The following FTO variants were observed in gnomAD, a reference collection of about 807,000 sequenced individuals.
The protein encoded by FTO is FTO alpha-ketoglutarate dependent dioxygenase.
In FTO, 47 loss-of-function variants were observed where a neutral mutation model predicts 63.9. The ratio of observed to expected loss-of-function variants is 0.74; its 90% CI spans 0.58 to 0.94. The LOEUF (loss-of-function observed/expected upper bound fraction) is 0.94, where lower values mean the gene tolerates loss of function less well. Ranked by LOEUF, FTO falls within the 40% of genes least tolerant of loss-of-function variation. The probability of loss-of-function intolerance (pLI) is 0.00; values close to 1 mark genes in which losing one functional copy is unlikely to be tolerated. For synonymous variants in FTO, 207 were observed against 224.4 expected, an observed-to-expected ratio of 0.92 and a Z score of 0.69; for missense variants, 562 against 618.1, an observed-to-expected ratio of 0.91 and a Z score of 0.96.
intron 6 of FTO, among the ~76,000 whole-genome samples, chr16:53,882,063 T>C (rs543745819): frequency 6.7e-4 from 101 of 150,860 alleles, no homozygotes; most frequent in South Asian, 2.5e-3. Flanking sequence ...TGATAAATTA[T>C]ACCTCAAAAA....
At chr16:53,790,579 C>CAA (rs34860208) in intron 1 of FTO, among the ~76,000 whole-genome samples, 1,111 of 55,114 alleles carry the variant, frequency 0.02, 18 homozygotes, top group African/African-American at 0.048. Context: ...CAAAATAAAG[C>CAA]AAAAAAAAAA....
intron 8 of FTO, among the ~76,000 whole-genome samples, chr16:53,974,920 A>AC (rs1380639215): frequency 6.6e-6 from 1 of 152,198 alleles, no homozygotes; most frequent in Non-Finnish European, 1.5e-5. Context: ...TTCCATTACA[A>AC]CGTATGCAGA....
intron 2 of FTO, among the ~76,000 whole-genome samples, chr16:53,824,989 A>G (rs1014022818): frequency 2.0e-5 from 3 of 152,202 alleles, no homozygotes; most frequent in African/African-American, 7.2e-5. Context: ...GTATTAGGGA[A>G]GGGAATTGAC....
chr16:54,022,087 A>G (rs942470514), intron 8 of FTO, among the ~76,000 whole-genome samples: 13 of 152,254 alleles, frequency 8.5e-5, no homozygotes, highest in Middle Eastern at 3.4e-3. Flanking sequence ...ATTTCTCTAG[A>G]ACCTTTCCAT....
At position 53,879,898 on chromosome 16, in the gene FTO, A is replaced by G. The variant is rs141978030; in HGVS notation, c.1030A>G (p.Asn344Asp). The change falls in exon 6 of 9, where the codon AAT becomes GAT. Residue 344 changes from asparagine to aspartate, a missense_variant. Physicochemically the swap from Asn to Asp is conservative, Grantham distance 23 (BLOSUM62 1). Transcript: ENST00000471389. Reference protein sequence around the residue: ...ILQRCQLALQNVCDDVDNDDV... With the variant: ...ILQRCQLALQDVCDDVDNDDV... ...ACAACGCTGTCAGTTGGCTCTGCAG[A>G]ATGTCTGTGACGATGTGGACAATGA... is the stretch of plus-strand genomic sequence containing the variant. The G allele has an allele frequency of 1.2e-6, 2 of 1,613,860 alleles. No homozygotes were observed. Among genetic ancestry groups the G allele is most frequent in the African/African-American group, 2.7e-5 (2 of 74,898 alleles).
intron 1 of FTO, among the ~76,000 whole-genome samples, chr16:53,778,981 G>A (rs1174220228): frequency 1.3e-5 from 2 of 152,008 alleles, no homozygotes; most frequent in African/African-American, 4.8e-5. Context: ...GGACATTAAG[G>A]AAAGCCTTCT....
At chr16:54,049,049 C>T (rs1168735097) in intron 8 of FTO, among the ~76,000 whole-genome samples, 2 of 151,952 alleles carry the variant, frequency 1.3e-5, no homozygotes, top group Admixed American at 1.3e-4. Flanking sequence ...AGCCAGATGC[C>T]ACTGACTAGC....
chr16:53,719,253 C>CTTTTTTT (rs10527186), intron 1 of FTO, among the ~76,000 whole-genome samples: 18 of 135,690 alleles, frequency 1.3e-4, no homozygotes, highest in South Asian at 5.3e-4. Flanking sequence ...TCTTCTTCTT[C>CTTTTTTT]TTTTTTTTTT....
chr16:53,993,026 A>G (rs1449296218), intron 8 of FTO: 1 of 152,180 alleles, frequency 6.6e-6, no homozygotes, highest in Non-Finnish European at 1.5e-5. Context: ...TGACCCACTG[A>G]TGGTAGAAGT....
intron 1 of FTO, among the ~76,000 whole-genome samples, chr16:53,754,336 G>T (rs2076868112): frequency 6.6e-6 from 1 of 152,134 alleles, no homozygotes; most frequent in Non-Finnish European, 1.5e-5. Context: ...TCCATAAACT[G>T]AACTGAAGTA....
chr16:53,892,171 G>A (rs2081165577), intron 7 of FTO, among the ~76,000 whole-genome samples: 1 of 151,998 alleles, frequency 6.6e-6, no homozygotes. Flanking sequence ...GTACCATCTG[G>A]TATTTGTATA....
chr16:53,704,264 G>A, intron 1 of FTO, 35 bp downstream of exon 1: 2 of 1,548,834 alleles, frequency 1.3e-6, no homozygotes, highest in Middle Eastern at 1.7e-4. Context: ...AGATCTTCGT[G>A]CGCTGTGAGC....
At chr16:53,773,980 G>T (rs1037311595) in intron 1 of FTO, among the ~76,000 whole-genome samples, 1 of 152,086 alleles carries the variant, frequency 6.6e-6, no homozygotes, top group South Asian at 2.1e-4. Context: ...AATTACACAT[G>T]GAATTTTAAT....
chr16:54,108,666 T>G (rs1167280649), intron 8 of FTO, among the ~76,000 whole-genome samples: 1 of 152,208 alleles, frequency 6.6e-6, no homozygotes, highest in Non-Finnish European at 1.5e-5. Flanking sequence ...TTATAGGTAT[T>G]GGGCGCTTGC....
At chr16:54,049,567 T>A (rs544593821) in intron 8 of FTO, among the ~76,000 whole-genome samples, 5 of 152,364 alleles carry the variant, frequency 3.3e-5, no homozygotes, top group Non-Finnish European at 7.3e-5. Flanking sequence ...ATATAGCTCC[T>A]GCTGGTGGGA....
At chr16:53,765,901 G>A (rs1490620541) in intron 1 of FTO, among the ~76,000 whole-genome samples, 1 of 152,162 alleles carries the variant, frequency 6.6e-6, no homozygotes, top group Non-Finnish European at 1.5e-5. Flanking sequence ...AAGTCCCATT[G>A]GAAATCACTG....
At chr16:53,743,517 A>T (rs2076576037) in intron 1 of FTO, among the ~76,000 whole-genome samples, 1 of 149,958 alleles carries the variant, frequency 6.7e-6, no homozygotes, top group African/African-American at 2.5e-5. Context: ...TGAGTCTTTG[A>T]TATCTCTTTC....
intron 1 of FTO, among the ~76,000 whole-genome samples, chr16:53,720,498 A>G (rs1273704044): frequency 1.3e-5 from 2 of 151,596 alleles, no homozygotes; most frequent in Admixed American, 6.6e-5. Flanking sequence ...ATATTCATGG[A>G]GTACATAGTG....
At chr16:53,920,585 C>T (rs1398653759) in intron 7 of FTO, among the ~76,000 whole-genome samples, 1 of 152,124 alleles carries the variant, frequency 6.6e-6, no homozygotes, top group Non-Finnish European at 1.5e-5. Context: ...TTCCAAAATG[C>T]TGTCTGCTTA....
Sources: gnomAD v4.1 joint callset for allele counts (sites outside exome capture counted in the v4.1 genomes callset) on GRCh38, gnomAD v4.1.1 for gene constraint, MANE v1.5 for transcripts, NCBI Gene and HGNC (gene_info 2026-07-23, HGNC 2026-07-21) for gene names.